The following ADAMTSL1 variants were observed in gnomAD, a reference collection of about 807,000 sequenced individuals.
ADAMTSL1 encodes the protein ADAMTS-like protein 1.
A neutral mutation model predicts 201.8 loss-of-function variants in ADAMTSL1; 126 were observed. The ratio of observed to expected loss-of-function variants is 0.62; its 90% CI spans 0.54 to 0.72. ADAMTSL1 has a LOEUF of 0.72. ADAMTSL1 is among the 30% of genes least tolerant of loss of function. The pLI, the probability that ADAMTSL1 is intolerant of heterozygous loss-of-function variation, is 0.00. For synonymous variants in ADAMTSL1, 1,121 were observed against 903.4 expected (o/e 1.24, Z -4.32); for missense variants, 2,679 against 2,277.8 (o/e 1.18, Z -3.59).
At chr9:18,433,745 C>T (rs937834224) in intron 2 of ADAMTSL1, among the ~76,000 whole-genome samples, 1 of 152,198 alleles carries the variant, frequency 6.6e-6, no homozygotes, top group Non-Finnish European at 1.5e-5. Context: ...ATCTAAACTA[C>T]ACACTTAAGA....
chr9:18,353,686 T>G (rs1303769956), intron 2 of ADAMTSL1, among the ~76,000 whole-genome samples: 9 of 152,188 alleles, frequency 5.9e-5, no homozygotes, highest in Non-Finnish European at 1.3e-4. Flanking sequence ...ATTTCTATAT[T>G]GCTCCACCAG....
At chr9:18,226,612 G>GCATA (rs1244358294) in intron 2 of ADAMTSL1, among the ~76,000 whole-genome samples, 1 of 151,944 alleles carries the variant, frequency 6.6e-6, no homozygotes, top group Non-Finnish European at 1.5e-5. Flanking sequence ...ACTTGCCTAC[G>GCATA]CATAAGTCTT....
chr9:18,267,482 G>T (rs527885453), intron 2 of ADAMTSL1, among the ~76,000 whole-genome samples: 2 of 152,176 alleles, frequency 1.3e-5, no homozygotes, highest in African/African-American at 2.4e-5. Context: ...AGGACAAATG[G>T]CAGGAAATGT....
At chr9:18,190,607 C>T (rs559380969) in intron 2 of ADAMTSL1, among the ~76,000 whole-genome samples, 1 of 152,312 alleles carries the variant, frequency 6.6e-6, no homozygotes, top group South Asian at 2.1e-4. Flanking sequence ...CTGAGTCTAA[C>T]AGCAGCTTTC....
intron 2 of ADAMTSL1, among the ~76,000 whole-genome samples, chr9:18,192,147 T>C (rs1828997081): frequency 6.6e-6 from 1 of 152,194 alleles, no homozygotes; most frequent in African/African-American, 2.4e-5. Context: ...TTTGGATTCT[T>C]TGTTGCTGAC....
chr9:18,062,375 G>A (rs866967918), intron 1 of ADAMTSL1, among the ~76,000 whole-genome samples: 4 of 152,076 alleles, frequency 2.6e-5, no homozygotes, highest in Non-Finnish European at 4.4e-5. Flanking sequence ...ATCACAGAAT[G>A]TATTTGAATG....
At chr9:18,316,133 G>A (rs561525341) in intron 2 of ADAMTSL1, among the ~76,000 whole-genome samples, 5 of 152,172 alleles carry the variant, frequency 3.3e-5, no homozygotes, top group African/African-American at 1.2e-4. Flanking sequence ...GTGCGAATAG[G>A]TGTGGGTCAC....
chr9:18,621,870 A>G (rs1169362964), intron 4 of ADAMTSL1, among the ~76,000 whole-genome samples: 1 of 152,136 alleles, frequency 6.6e-6, no homozygotes, highest in Admixed American at 6.6e-5. Flanking sequence ...AGTTTTTGTC[A>G]TTTGAGTGCA....
intron 2 of ADAMTSL1, among the ~76,000 whole-genome samples, chr9:18,318,540 A>ACATTTTAG (rs2132840079): frequency 6.6e-6 from 1 of 152,324 alleles, no homozygotes; most frequent in African/African-American, 2.4e-5. Flanking sequence ...CTGTTTAAAA[A>ACATTTTAG]CATTTTAGCA....
intron 1 of ADAMTSL1, among the ~76,000 whole-genome samples, chr9:18,497,839 A>T (rs998023355): frequency 3.3e-5 from 5 of 152,208 alleles, no homozygotes; most frequent in African/African-American, 1.2e-4. Context: ...AAGAGCTATA[A>T]TCCAGGCTTG....
intron 2 of ADAMTSL1, among the ~76,000 whole-genome samples, chr9:18,222,901 T>A (rs571031959): frequency 4.1e-4 from 62 of 152,162 alleles, no homozygotes; most frequent in African/African-American, 1.4e-3. Context: ...TTATCTCTTA[T>A]GTGGCTATTG....
rs140838097 is a variant in ADAMTSL1 at position 18,555,971 on chromosome 9, T to G, written c.238-18059T>G. Among the ~76,000 whole-genome samples the G allele has an allele frequency of 2.0e-3, 306 of 151,974 alleles. 1 individual carries two copies. The highest frequency in any genetic ancestry group is 6.8e-3 in the African/African-American group (282 of 41,484). ...AGTGTTCCTATGAACGTTGTGCACA[T>G]GTACCCTAGAACTTAAAGTATAATA... is the stretch of plus-strand genomic sequence containing the variant. On this transcript the variant is annotated intron_variant, in intron 3 of 28. Transcript: ENST00000380548.
At chr9:18,408,718 T>G (rs1230738604) in intron 2 of ADAMTSL1, among the ~76,000 whole-genome samples, 1 of 152,208 alleles carries the variant, frequency 6.6e-6, no homozygotes, top group Non-Finnish European at 1.5e-5. Context: ...AAGTTGTTAG[T>G]AAATATCACA....
chr9:18,204,774 C>G (rs527648095), intron 2 of ADAMTSL1, among the ~76,000 whole-genome samples: 1 of 152,170 alleles, frequency 6.6e-6, no homozygotes, highest in Admixed American at 6.5e-5. Flanking sequence ...TAGAGGCTAT[C>G]CAAAGGCAGC....
intron 15 of ADAMTSL1, among the ~76,000 whole-genome samples, chr9:18,730,787 G>A (rs547364231): frequency 2.4e-4 from 37 of 152,334 alleles, no homozygotes; most frequent in Non-Finnish European, 4.3e-4. Context: ...GACACAGGCC[G>A]TGGGCTGCAT....
intron 21 of ADAMTSL1, 97 bp from the exon 22 acceptor site, chr9:18,826,187 A>T: frequency 7.0e-7 from 1 of 1,425,042 alleles, no homozygotes; most frequent in Non-Finnish European, 9.6e-7. Flanking sequence ...GAGCAGCCCC[A>T]GGGAAGGGGG....
chr9:18,501,403 C>T (rs1028207682), intron 1 of ADAMTSL1, among the ~76,000 whole-genome samples: 2 of 149,238 alleles, frequency 1.3e-5, no homozygotes, highest in Non-Finnish European at 3.0e-5. Context: ...CCCAGCTACT[C>T]AAGAGGCTGA....
Position 18,783,342 on chromosome 9 carries a change from A to G in ADAMTSL1, c.3677+5436A>G, listed in dbSNP as rs1588103364. Among the ~76,000 whole-genome samples, 4 of 152,194 alleles carry G rather than the reference A, an allele frequency of 2.6e-5. No individual in the cohort carries two copies. In the South Asian group the frequency reaches 8.3e-4, roughly 32 times the overall value. On this transcript the variant is annotated intron_variant, in intron 19 of 28. Coordinates refer to ENST00000380548, the MANE Select transcript of ADAMTSL1 (RefSeq NM_001040272.6). ...GGGATTCAAAAATCCAACGTGCATA[A>G]TAATTAACAGGAGCTTGTTAGAATG...
rs1046105479 is a variant in ADAMTSL1, at chr9:18,051,437, T to C, written c.88-112425T>C. Among the ~76,000 whole-genome samples, 4 of 152,178 alleles carry C rather than the reference T, an allele frequency of 2.6e-5. No homozygotes were observed. In the South Asian group the frequency reaches 6.2e-4, roughly 24 times the overall value. The stretch of plus-strand genomic sequence containing the variant: ...AGGTAGGAATACTTGGAATATTTGT[T>C]GGACATTTCAGAGGCATGTGTCCTG... On this transcript the variant is annotated intron_variant, in intron 1 of 29. Coordinates refer to the ADAMTSL1 transcript ENST00000680146.
Sources: gnomAD v4.1 joint callset for allele counts (sites outside exome capture counted in the v4.1 genomes callset) on GRCh38, gnomAD v4.1.1 for gene constraint, MANE v1.5 for transcripts, NCBI Gene and HGNC (gene_info 2026-07-23, HGNC 2026-07-21) for gene names.